Variants in TASP1 observed in about 807,000 individuals in gnomAD.
TASP1 encodes taspase 1, also known as threonine aspartase 1.
In TASP1, 16 loss-of-function variants were observed where a neutral mutation model predicts 56.6. That is an observed-to-expected ratio of 0.28 (90% CI 0.19 to 0.43). The LOEUF is 0.43. Among genes scored for constraint, TASP1 ranks in the 20% least tolerant of loss-of-function variants. The pLI is 1.00. For synonymous variants in TASP1, 179 were observed against 184.2 expected, an observed-to-expected ratio of 0.97 and a Z score of 0.23; for missense variants, 393 against 511.6, an observed-to-expected ratio of 0.77 and a Z score of 2.24.
At chr20:13,635,387 CTTTTT>C (rs34767488) in intron 1 of TASP1, among the ~76,000 whole-genome samples, 1 of 129,268 alleles carries the variant, frequency 7.7e-6, no homozygotes, top group Non-Finnish European at 1.6e-5. Flanking sequence ...TCAGCAATTT[CTTTTT>C]TTTTTTTTTT....
the TASP1 span, among the ~76,000 whole-genome samples, chr20:13,118,394 G>A: frequency 1.7e-4 from 23 of 133,428 alleles, no homozygotes; most frequent in African/African-American, 5.7e-4. Flanking sequence ...GGATTAGACT[G>A]TTAAGTGAGT....
intron 10 of TASP1, among the ~76,000 whole-genome samples, chr20:13,512,068 C>G (rs1340028282): frequency 6.6e-6 from 1 of 152,054 alleles, no homozygotes; most frequent in African/African-American, 2.4e-5. Flanking sequence ...ATATACATAC[C>G]TGTGCATGTG....
the TASP1 span, among the ~76,000 whole-genome samples, chr20:13,178,624 T>C: frequency 5.9e-5 from 9 of 151,634 alleles, no homozygotes; most frequent in African/African-American, 1.7e-4. Flanking sequence ...AAGGACATTA[T>C]GTTAAGTGAA....
intron 13 of TASP1, among the ~76,000 whole-genome samples, chr20:13,401,537 G>T (rs558785018): frequency 6.6e-6 from 1 of 152,238 alleles, no homozygotes; most frequent in South Asian, 2.1e-4. Flanking sequence ...TGTAATAAAA[G>T]TTGTTACATC....
the TASP1 span, among the ~76,000 whole-genome samples, chr20:13,182,760 A>G: frequency 1.3e-5 from 2 of 152,254 alleles, no homozygotes; most frequent in African/African-American, 2.4e-5. Flanking sequence ...TAATAAATGA[A>G]TGAGTGAAGG....
At chr20:13,362,839 T>TATATATATATG in the TASP1 span, among the ~76,000 whole-genome samples, 2 of 64,670 alleles carry the variant, frequency 3.1e-5, no homozygotes, top group African/African-American at 1.0e-4. Flanking sequence ...ATATATATAT[T>TATATATATATG]TGTCTCTCCC....
chr20:13,623,600 T>C (rs2048791414), intron 3 of TASP1, 86 bp from the exon 4 acceptor site: 2 of 1,066,828 alleles, frequency 1.9e-6, no homozygotes, highest in East Asian at 4.8e-5. Context: ...GGGAGACACT[T>C]AGATTAATAA....
At chr20:13,628,211 GAGGGAC>G (rs1385154312) in intron 2 of TASP1, among the ~76,000 whole-genome samples, 4 of 152,160 alleles carry the variant, frequency 2.6e-5, no homozygotes, top group Admixed American at 1.3e-4. Flanking sequence ...TCTAAGACAG[GAGGGAC>G]AGGGTCATAA....
the TASP1 span, among the ~76,000 whole-genome samples, chr20:13,340,568 G>T: frequency 4.0e-5 from 6 of 151,806 alleles, no homozygotes; most frequent in African/African-American, 1.5e-4. Context: ...TATCTGTGAG[G>T]AGTAGCTGAT....
chr20:13,227,330 A>G, the TASP1 span, among the ~76,000 whole-genome samples: 15 of 145,110 alleles, frequency 1.0e-4, no homozygotes, highest in Admixed American at 3.4e-4. Context: ...CAGCCTCCCG[A>G]GTAGCTGGGA....
chr20:13,244,630 A>G, the TASP1 span, among the ~76,000 whole-genome samples: 7 of 152,356 alleles, frequency 4.6e-5, no homozygotes, highest in African/African-American at 1.7e-4. Flanking sequence ...TACCTTTACT[A>G]TATACTTCCA....
At chr20:13,179,993 G>A in the TASP1 span, among the ~76,000 whole-genome samples, 39 of 152,256 alleles carry the variant, frequency 2.6e-4, no homozygotes, top group Non-Finnish European at 3.8e-4. Flanking sequence ...TCTGTATTCA[G>A]AATAAACAGC....
chr20:13,626,565 A>G (rs2048898172), intron 2 of TASP1, among the ~76,000 whole-genome samples: 1 of 152,220 alleles, frequency 6.6e-6, no homozygotes, highest in African/African-American at 2.4e-5. Flanking sequence ...AGGTAGAGAA[A>G]GCACTCACCC....
chr20:13,148,318 C>T, the TASP1 span, among the ~76,000 whole-genome samples: 1 of 152,126 alleles, frequency 6.6e-6, no homozygotes, highest in African/African-American at 2.4e-5. Context: ...GTTAACCTAG[C>T]CTGTCTCTCA....
chr20:13,209,432 A>G, the TASP1 span, among the ~76,000 whole-genome samples: 1 of 152,226 alleles, frequency 6.6e-6, no homozygotes, highest in Non-Finnish European at 1.5e-5. Flanking sequence ...TTTATTGATT[A>G]TATCATAATT....
At chr20:13,128,022 T>C in the TASP1 span, among the ~76,000 whole-genome samples, 1 of 152,232 alleles carries the variant, frequency 6.6e-6, no homozygotes, top group Non-Finnish European at 1.5e-5. Flanking sequence ...CTGAGCAAGT[T>C]ACTCAACTTC....
intron 10 of TASP1, among the ~76,000 whole-genome samples, chr20:13,503,140 C>G (rs982051412): frequency 6.6e-6 from 1 of 152,036 alleles, no homozygotes; most frequent in Non-Finnish European, 1.5e-5. Context: ...GAGGGAGGCC[C>G]TGATGCTACT....
At chr20:13,519,273 G>A (rs2044648503) in intron 10 of TASP1, among the ~76,000 whole-genome samples, 1 of 152,014 alleles carries the variant, frequency 6.6e-6, no homozygotes, top group Non-Finnish European at 1.5e-5. Flanking sequence ...CACAACCTCA[G>A]TATCATGCGA....
rs532633245 is a variant in TASP1 at position 13,612,337 on chromosome 20, G to T, written c.282+11109C>A. On this transcript the variant is annotated intron_variant, in intron 4 of 13. Transcript: ENST00000337743. The stretch of plus-strand genomic sequence containing the variant: ...TACTCAGAGTCCACAGGAAGTCATG[G>T]TATTTTTCTCAAATACCAGAAAACT... Among the ~76,000 whole-genome samples, 6 of 152,180 alleles carry T rather than the reference G, an allele frequency of 3.9e-5. No individual in the cohort carries two copies. In the South Asian group the frequency reaches 6.2e-4, roughly 16 times the overall value.
Sources: gnomAD v4.1 joint callset for allele counts (sites outside exome capture counted in the v4.1 genomes callset) on GRCh38, gnomAD v4.1.1 for gene constraint, MANE v1.5 for transcripts, NCBI Gene and HGNC (gene_info 2026-07-23, HGNC 2026-07-21) for gene names.